Variants in GLYR1 observed in about 807,000 individuals in gnomAD.
GLYR1 encodes glyoxylate reductase 1 homolog, also known as cytokine-like nuclear factor N-PAC.
A neutral mutation model predicts 72.7 loss-of-function variants in GLYR1; 21 were observed. That is an observed-to-expected ratio of 0.29 (90% CI 0.20 to 0.42). GLYR1 has a LOEUF of 0.42. GLYR1 is among the 10% of genes least tolerant of loss of function. The probability of loss-of-function intolerance (pLI) is 1.00; values close to 1 mark genes in which losing one functional copy is unlikely to be tolerated. For missense variants in GLYR1, 594 were observed against 712.1 expected (o/e 0.83, Z 1.89); for synonymous variants, 392 against 270.2 (o/e 1.45, Z -4.42).
At chr16:4,821,060 G>C (rs764304479) in intron 9 of GLYR1, 1 of 431,588 alleles carries the variant, frequency 2.3e-6, no homozygotes, top group African/African-American at 2.0e-5. Flanking sequence ...GGCCCCACCC[G>C]GACATATTGA....
intron 11 of GLYR1, 71 bp downstream of exon 11, chr16:4,814,466 G>T: frequency 8.9e-7 from 1 of 1,119,794 alleles, no homozygotes; most frequent in Non-Finnish European, 1.4e-6. Flanking sequence ...GTGCAGGGGA[G>T]GAGGGGAAGA....
chr16:4,819,727 C>G (rs1485127894), intron 9 of GLYR1, among the ~76,000 whole-genome samples: 1 of 152,186 alleles, frequency 6.6e-6, no homozygotes, highest in African/African-American at 2.4e-5. Context: ...AAATGGACCC[C>G]TAATCTCAGC....
rs149553417 is a variant in GLYR1 at position 4,847,239 on chromosome 16, G to A, written c.27C>T (p.Gly9=). The change falls in exon 1 of 16, where the codon GGC becomes GGT. Residue 9 remains glycine (G), a synonymous_variant. Transcript: ENST00000321919. MAAVSLRL[G]DLVWGKLGRY... is the part of the protein sequence containing the mutation. ...CCGCTCGGACTCACCACACCAAGTC[G>A]CCGAGCCGCAGACTCACAGCCGCCA... The A allele has an allele frequency of 4.9e-5, 78 of 1,607,786 alleles. No homozygotes were observed. The African/African-American group carries it at 8.7e-4, about 18-fold the overall frequency.
At chr16:4,821,195 G>A (rs560195471) in intron 9 of GLYR1, 185 bp downstream of exon 9, 79 of 649,418 alleles carry the variant, frequency 1.2e-4, no homozygotes, top group Middle Eastern at 8.4e-4. Flanking sequence ...AGGGAGACCC[G>A]ACCACAGATT....
intron 10 of GLYR1, 57 bp downstream of exon 10, chr16:4,817,541 C>T (rs1205619703): frequency 3.8e-6 from 4 of 1,047,722 alleles, no homozygotes; most frequent in Non-Finnish European, 6.0e-6. Flanking sequence ...GAGATGTCCA[C>T]TCTTAGGGTT....
intron 13 of GLYR1, 115 bp downstream of exon 13, chr16:4,811,971 G>A (rs901428695): frequency 2.0e-6 from 3 of 1,471,134 alleles, no homozygotes; most frequent in Non-Finnish European, 2.7e-6. Context: ...CAGGTGAAAG[G>A]AAACCTTCCC....
chr16:4,822,011 C>T (rs1022483790), intron 7 of GLYR1, among the ~76,000 whole-genome samples: 9 of 152,254 alleles, frequency 5.9e-5, no homozygotes, highest in Non-Finnish European at 1.3e-4. Flanking sequence ...TCATGGGGTG[C>T]TGACAGCTTA....
intron 10 of GLYR1, among the ~76,000 whole-genome samples, 176 bp from the exon 11 acceptor site, chr16:4,814,823 T>A (rs1175607755): frequency 2.0e-5 from 3 of 152,228 alleles, no homozygotes; most frequent in Non-Finnish European, 4.4e-5. Flanking sequence ...CGGGGCCTTT[T>A]ACTGGCCATC....
At chr16:4,811,833 C>A (rs1429375737) in intron 13 of GLYR1, 31 bp from the exon 14 acceptor site, 3 of 1,594,630 alleles carry the variant, frequency 1.9e-6, no homozygotes, top group Non-Finnish European at 2.6e-6. Context: ...CGGTCACAGC[C>A]CAAGAATGCC....
rs1458815844 is a variant in GLYR1 at position 4,817,992 on chromosome 16, C to A, written c.807-295G>T. The A allele has an allele frequency of 1.0e-5, 3 of 291,690 alleles. No homozygotes were observed. The East Asian group carries it at 2.3e-4, about 22-fold the overall frequency. The allele number at this position is 291,690 out of a possible 1,614,324, so 18.1% of individuals were successfully genotyped here. A position where few individuals can be genotyped will look rare whatever the true frequency, so the allele number is the denominator to read the frequency against. On this transcript the variant is annotated intron_variant, in intron 9 of 15. Transcript: ENST00000321919. Reference sequence around the variant, plus strand: ...GGGCCAGTCTCCCAGGGCAAAGTCCCCTTGCTGCCCTTTTTTTTTTTTTTG... The same window carrying A: ...GGGCCAGTCTCCCAGGGCAAAGTCCACTTGCTGCCCTTTTTTTTTTTTTTG...
At position 4,822,855 on chromosome 16, in the gene GLYR1, G is replaced by A. The variant is rs966098106; in HGVS notation, c.681+20C>T. 20 of 1,611,098 alleles carry A rather than the reference G, an allele frequency of 1.2e-5. No individual in the cohort carries two copies. Among genetic ancestry groups the A allele is most frequent in the Non-Finnish European group, 1.6e-5 (19 of 1,177,188 alleles). On this transcript the variant is annotated intron_variant, in intron 7 of 15. Transcript: ENST00000321919. ...TGGCCAGCCCCTGACCAAGGGCCAA[G>A]AGCCTCAAAGGCAACTCACCTTCTC...
intron 7 of GLYR1, 37 bp from the exon 8 acceptor site, chr16:4,821,634 T>C (rs772856549): frequency 1.3e-6 from 2 of 1,593,814 alleles, no homozygotes; most frequent in East Asian, 2.2e-5. Context: ...CTTGTGCTAC[T>C]GCAGGCTTAA....
chr16:4,814,753 G>T, intron 10 of GLYR1, 106 bp from the exon 11 acceptor site: 1 of 877,228 alleles, frequency 1.1e-6, no homozygotes, highest in Non-Finnish European at 1.8e-6. Context: ...TACCAAGGCA[G>T]GAGGCTGAGG....
chr16:4,846,649 T>C, intron 1 of GLYR1: 1 of 250,666 alleles, frequency 4.0e-6, no homozygotes, highest in Non-Finnish European at 8.0e-6. Context: ...TTCGGGCGGT[T>C]GTCTGGGACA....
chr16:4,839,786 G>A (rs1346331723), intron 3 of GLYR1: 2 of 152,188 alleles, frequency 1.3e-5, no homozygotes, highest in Non-Finnish European at 2.9e-5. Context: ...TTGTCATAAG[G>A]AGCCGTTCTT....
chr16:4,840,828 A>G (rs2085497374), intron 3 of GLYR1, among the ~76,000 whole-genome samples: 2 of 152,240 alleles, frequency 1.3e-5, no homozygotes, highest in Admixed American at 6.5e-5. Context: ...TCTTTCCCCA[A>G]AGTAATCTGC....
chr16:4,823,738 G>C, intron 6 of GLYR1, 83 bp downstream of exon 6: 2 of 1,002,296 alleles, frequency 2.0e-6, no homozygotes, highest in Non-Finnish European at 3.0e-6. Context: ...ACACAAGAAA[G>C]GGACAAAAAA....
intron 15 of GLYR1, among the ~76,000 whole-genome samples, chr16:4,805,972 C>T (rs2082945075): frequency 1.3e-5 from 2 of 152,042 alleles, no homozygotes; most frequent in South Asian, 2.1e-4. Flanking sequence ...CAGAGCGAGA[C>T]TCTGTCTCAA....
In GLYR1 at chr16:4,803,328, ACAAAG is replaced by A. The variant is rs1020054419; in HGVS notation, c.*1903_*1907del. 4 of 152,708 alleles carry A rather than the reference ACAAAG, an allele frequency of 2.6e-5. No homozygotes were observed. The highest frequency in any genetic ancestry group is 9.6e-5 in the African/African-American group (4 of 41,472). The allele number at this position is 152,708 out of a possible 1,614,324, so 9.5% of individuals were successfully genotyped here. ...TCTGAAAGACAAATGTTCATTAAAA[ACAAAG>A]CAAAAATAAAAATTCACAACCTTAA... On this transcript the variant is annotated 3_prime_UTR_variant, in exon 16 of 16. Coordinates refer to ENST00000321919, the MANE Select transcript of GLYR1 (RefSeq NM_032569.4).
Sources: gnomAD v4.1 joint callset for allele counts (sites outside exome capture counted in the v4.1 genomes callset) on GRCh38, gnomAD v4.1.1 for gene constraint, MANE v1.5 for transcripts, NCBI Gene and HGNC (gene_info 2026-07-23, HGNC 2026-07-21) for gene names.